Variants in PRKD3 observed in about 807,000 individuals in gnomAD.
The protein encoded by PRKD3 is serine/threonine-protein kinase D3.
PRKD3 carries 47 observed loss-of-function variants against 99.2 expected under a neutral mutation model. The observed-to-expected ratio is 0.47, with a 90% CI of 0.38 to 0.60. The LOEUF (loss-of-function observed/expected upper bound fraction) is 0.60. PRKD3 is among the 20% of genes least tolerant of loss of function. PRKD3 has a pLI of 0.00. For synonymous variants in PRKD3, 392 were observed against 355.4 expected (o/e 1.10, Z -1.16); for missense variants, 1,019 against 1,088.4 (o/e 0.94, Z 0.90).
At chr2:37,264,475 G>A (rs1245923547) in intron 14 of PRKD3, among the ~76,000 whole-genome samples, 1 of 124,782 alleles carries the variant, frequency 8.0e-6, no homozygotes, top group Non-Finnish European at 1.6e-5. Context: ...GTATGAAGGT[G>A]ATAAGTGCCA....
intron 14 of PRKD3, among the ~76,000 whole-genome samples, chr2:37,261,769 A>G (rs1445402460): frequency 6.6e-6 from 1 of 152,236 alleles, no homozygotes; most frequent in Non-Finnish European, 1.5e-5. Context: ...AACAAGAGCA[A>G]AACTCTATCT....
At chr2:37,303,572 A>C (rs961980205) in intron 2 of PRKD3, among the ~76,000 whole-genome samples, 2 of 151,758 alleles carry the variant, frequency 1.3e-5, no homozygotes, top group Non-Finnish European at 2.9e-5. Context: ...TCCTGCCATC[A>C]CTCAAGGCAG....
intron 16 of PRKD3, among the ~76,000 whole-genome samples, chr2:37,257,242 T>C (rs1465652423): frequency 1.3e-5 from 2 of 152,162 alleles, no homozygotes; most frequent in African/African-American, 4.8e-5. Context: ...AGTATGCTGC[T>C]TTCTATCATT....
chr2:37,269,340 C>T (rs572121838), intron 13 of PRKD3: 14 of 399,278 alleles, frequency 3.5e-5, no homozygotes, highest in South Asian at 8.5e-5. Flanking sequence ...CATCTCCCCC[C>T]CTGCCTCCGA....
intron 6 of PRKD3, among the ~76,000 whole-genome samples, chr2:37,285,677 A>G (rs1670056825): frequency 6.6e-6 from 1 of 152,190 alleles, no homozygotes; most frequent in African/African-American, 2.4e-5. Context: ...TTTGCTGCCT[A>G]CTAGCTATTC....
intron 2 of PRKD3, among the ~76,000 whole-genome samples, chr2:37,314,741 T>C (rs1403661155): frequency 6.6e-6 from 1 of 152,070 alleles, no homozygotes; most frequent in African/African-American, 2.4e-5. Context: ...AAAGGGAACA[T>C]TATATTTAAG....
intron 12 of PRKD3, 24 bp downstream of exon 12, chr2:37,272,356 A>C: frequency 3.1e-6 from 5 of 1,596,948 alleles, no homozygotes; most frequent in Non-Finnish European, 4.3e-6. Context: ...CCCAGTTTAC[A>C]CATTAGCTAT....
chr2:37,270,804 T>A (rs1235064558), intron 12 of PRKD3, among the ~76,000 whole-genome samples: 3 of 152,238 alleles, frequency 2.0e-5, no homozygotes. Context: ...TTAGGAGGCA[T>A]CCAATGCATA....
chr2:37,305,090 T>C lies in PRKD3; in HGVS notation c.288+11147A>G, dbSNP rs185232921. Reference sequence around the variant, plus strand: ...CTAAGCTGCTGCAACACAGCTGTAGTAGAAAGAATGGATAGAAAAAAAAAC... The same window carrying C: ...CTAAGCTGCTGCAACACAGCTGTAGCAGAAAGAATGGATAGAAAAAAAAAC... On this transcript the variant is annotated intron_variant, in intron 2 of 18. Transcript: ENST00000234179. 4.8e-4 allele frequency among the ~76,000 whole-genome samples: 73 copies of C among 152,110 alleles called. 2 individuals carry two copies. In the East Asian group the frequency reaches 6.6e-3, roughly 14 times the overall value.
intron 8 of PRKD3, 175 bp from the exon 9 acceptor site, chr2:37,278,164 C>G: frequency 5.5e-6 from 2 of 365,394 alleles, no homozygotes; most frequent in Non-Finnish European, 9.6e-6. Flanking sequence ...ATAAAAGATT[C>G]TATTTTAAGC....
rs56389006 is a variant in PRKD3 at position 37,256,628 on chromosome 2, ATTTTTTTTTTTTT to A, written c.2413+21_2413+33del. On this transcript the variant is annotated intron_variant, in intron 17 of 18. Coordinates refer to ENST00000234179, the MANE Select transcript of PRKD3 (RefSeq NM_005813.6). Reference sequence around the variant, plus strand: ...TTTAGGCTTAAAACACATAGCCAAAATTTTTTTTTTTTTTTTTTTTTTTTTTTTTTTACCTTCA... The same window carrying A: ...TTTAGGCTTAAAACACATAGCCAAAATTTTTTTTTTTTTTTTTTACCTTCA... 171 of 1,202,206 alleles carry A rather than the reference ATTTTTTTTTTTTT, an allele frequency of 1.4e-4. 1 individual carries two copies. Among genetic ancestry groups the A allele is most frequent in the South Asian group, 8.0e-4 (44 of 55,224 alleles). The allele number at this position is 1,202,206 out of a possible 1,614,324, so 74.5% of individuals were successfully genotyped here.
In PRKD3 at chr2:37,311,502, A is replaced by C. The variant is rs374802729; in HGVS notation, c.288+4735T>G. 5.4e-4 allele frequency among the ~76,000 whole-genome samples: 82 copies of C among 152,310 alleles called. 2 individuals carry two copies. In the South Asian group the frequency reaches 0.017, roughly 31 times the overall value. ...TTCAACTGAAGCAAAGCCATAACAG[A>C]TAATGGCACCCAGGTGTAGGATAAT... On this transcript the variant is annotated intron_variant, in intron 2 of 18. Transcript: ENST00000234179.
chr2:37,286,514 G>A (rs1333619619), intron 5 of PRKD3, 145 bp from the exon 6 acceptor site: 5 of 632,110 alleles, frequency 7.9e-6, no homozygotes, highest in South Asian at 5.2e-5. Context: ...CCTTTGCAAT[G>A]TTTAATTTAC....
intron 10 of PRKD3, 82 bp from the exon 11 acceptor site, chr2:37,274,779 C>A: frequency 1.3e-5 from 17 of 1,309,490 alleles, no homozygotes; most frequent in Non-Finnish European, 1.7e-5. Flanking sequence ...CAGAGATATG[C>A]ATTTCAATGA....
Position 37,256,659 on chromosome 2 carries a change from TACCTTC to T in PRKD3, c.2410_2413+2del. The T allele has an allele frequency of 1.7e-6, 2 of 1,169,786 alleles. No individual in the cohort carries two copies. The highest frequency in any genetic ancestry group is 2.3e-6 in the Non-Finnish European group (2 of 884,888). The allele number at this position is 1,169,786 out of a possible 1,614,324, so 72.5% of individuals were successfully genotyped here. A position where few individuals can be genotyped will look rare whatever the true frequency, so the allele number is the denominator to read the frequency against. On this transcript the variant is annotated splice_donor_variant and coding_sequence_variant, in exon 17 of 19. Transcript: ENST00000234179. LOFTEE classifies it high-confidence loss of function. ...TTTTTTTTTTTTTTTTTTTTTTTTT[TACCTTC>T]ACCAGAAATTTCTCTCCATGGATTT...
intron 2 of PRKD3, among the ~76,000 whole-genome samples, chr2:37,296,289 TTAA>T (rs1670670730): frequency 6.6e-6 from 1 of 152,094 alleles, no homozygotes; most frequent in Admixed American, 6.5e-5. Context: ...TATAACCTTC[TTAA>T]TAAACACATG....
At chr2:37,291,847 C>G (rs1670444609) in intron 3 of PRKD3, among the ~76,000 whole-genome samples, 1 of 152,148 alleles carries the variant, frequency 6.6e-6, no homozygotes, top group Non-Finnish European at 1.5e-5. Context: ...AGCTTGCTTC[C>G]TTTCTTCCAT....
chr2:37,314,894 A>G (rs1228114285), intron 2 of PRKD3, among the ~76,000 whole-genome samples: 1 of 152,226 alleles, frequency 6.6e-6, no homozygotes, highest in Non-Finnish European at 1.5e-5. Context: ...ACAGGTCTAC[A>G]GAAGTAAAGT....
rs528911490 is a variant in PRKD3 at position 37,317,219 on chromosome 2, T to G, written c.-655-40A>C. ...TTTAAAGGTTTTTAATACTTTATAT[T>G]CATTCGACATTAATTTAAAAATAAG... is the stretch of plus-strand genomic sequence containing the variant. On this transcript the variant is annotated intron_variant, in intron 1 of 18. Transcript: ENST00000234179. The G allele has an allele frequency of 2.2e-4, 171 of 781,040 alleles. 1 individual carries two copies. The South Asian group carries it at 4.0e-3, about 18-fold the overall frequency. 48.4% of individuals were successfully genotyped at this position (781,040 alleles called of 1,614,324 possible).
Sources: gnomAD v4.1 joint callset for allele counts (sites outside exome capture counted in the v4.1 genomes callset) on GRCh38, gnomAD v4.1.1 for gene constraint, MANE v1.5 for transcripts, NCBI Gene and HGNC (gene_info 2026-07-23, HGNC 2026-07-21) for gene names.